Variants in SENP6 observed in about 807,000 individuals in gnomAD.
The protein encoded by SENP6 is SUMO specific peptidase 6.
In SENP6, 41 loss-of-function variants were observed where a neutral mutation model predicts 134.5. That is an observed-to-expected ratio of 0.30 (90% CI 0.24 to 0.40). The LOEUF (loss-of-function observed/expected upper bound fraction) is 0.40, where lower values mean the gene tolerates loss of function less well. Among genes scored for constraint, SENP6 ranks in the 10% least tolerant of loss-of-function variants. The pLI is 1.00. For synonymous variants in SENP6, 395 were observed against 429.8 expected, an observed-to-expected ratio of 0.92 and a Z score of 1.00; for missense variants, 1,248 against 1,312.5, an observed-to-expected ratio of 0.95 and a Z score of 0.76.
intron 3 of SENP6, among the ~76,000 whole-genome samples, chr6:75,630,382 A>T (rs577936832): frequency 1.4e-3 from 218 of 152,284 alleles, no homozygotes; most frequent in South Asian, 2.5e-3. Flanking sequence ...TAGGTAATTT[A>T]TCTGCTAGTC....
intron 2 of SENP6, among the ~76,000 whole-genome samples, chr6:75,623,347 A>C (rs569097166): frequency 6.6e-6 from 1 of 152,190 alleles, no homozygotes; most frequent in Admixed American, 6.5e-5. Context: ...GTTAATAGAT[A>C]CATTAGTTTA....
chr6:75,673,120 C>T (rs1772809971), intron 11 of SENP6, among the ~76,000 whole-genome samples: 1 of 152,094 alleles, frequency 6.6e-6, no homozygotes, highest in Admixed American at 6.6e-5. Flanking sequence ...AGCCACTGCA[C>T]CCGGCCAATT....
intron 9 of SENP6, among the ~76,000 whole-genome samples, chr6:75,663,807 GGTT>G (rs748643857): frequency 5.9e-4 from 8 of 13,566 alleles, no homozygotes; most frequent in East Asian, 5.6e-3. Flanking sequence ...GCTGATAGTG[GGTT>G]TTTTTTTTTG....
At chr6:75,623,545 C>T (rs1768433786) in intron 2 of SENP6, among the ~76,000 whole-genome samples, 1 of 151,814 alleles carries the variant, frequency 6.6e-6, no homozygotes, top group Admixed American at 6.6e-5. Context: ...CAATCTAAGA[C>T]AAAAAGGAAA....
intron 2 of SENP6, 115 bp from the exon 3 acceptor site, chr6:75,623,785 A>G: frequency 2.5e-6 from 2 of 800,344 alleles, no homozygotes; most frequent in Non-Finnish European, 3.9e-6. Context: ...TTGGCCCTTT[A>G]CAGAAAAAGT....
intron 7 of SENP6, among the ~76,000 whole-genome samples, chr6:75,657,177 G>T (rs926088501): frequency 6.6e-6 from 1 of 152,140 alleles, no homozygotes; most frequent in Admixed American, 6.5e-5. Flanking sequence ...GGCCAAAAAA[G>T]CTTGTAGGGG....
chr6:75,667,055 G>A (rs1477018085), intron 10 of SENP6, 114 bp downstream of exon 10: 1 of 558,620 alleles, frequency 1.8e-6, no homozygotes, highest in Non-Finnish European at 3.2e-6. Context: ...TTATTAAGTG[G>A]GGCTTAAATA....
At chr6:75,661,720 TC>T (rs1771790790) in intron 8 of SENP6, among the ~76,000 whole-genome samples, 1 of 152,152 alleles carries the variant, frequency 6.6e-6, no homozygotes, top group African/African-American at 2.4e-5. Context: ...ATGTATAGTC[TC>T]TGAAATTCTA....
At chr6:75,654,324 A>G (rs1771149301) in intron 7 of SENP6, among the ~76,000 whole-genome samples, 1 of 152,246 alleles carries the variant, frequency 6.6e-6, no homozygotes, top group South Asian at 2.1e-4. Flanking sequence ...TTTGCACCTA[A>G]TGAGGATGGA....
intron 9 of SENP6, among the ~76,000 whole-genome samples, chr6:75,666,117 G>GAT (rs929958414): frequency 7.1e-6 from 1 of 141,206 alleles, no homozygotes. Flanking sequence ...ATGTATATAT[G>GAT]ATATATATAA....
At position 75,715,567 on chromosome 6, in the gene SENP6, A is replaced by G. The variant is rs1259875518; in HGVS notation, c.3312A>G (p.Glu1104=). ...AAGCACCTTTAGGCGAAGGAACAGA[A>G]CAATATGTCAATAGTATCTCAGATT... ...STEAPLGEGT[E]QYVNSISD Residue 1104 remains glutamate (E), a synonymous_variant, in exon 24 of 24, where the codon GAA becomes GAG. Coordinates refer to ENST00000447266, the MANE Select transcript of SENP6 (RefSeq NM_015571.4). 4 of 1,612,258 alleles carry G rather than the reference A, an allele frequency of 2.5e-6. No homozygotes were observed. The highest frequency in any genetic ancestry group is 1.1e-5 in the South Asian group (1 of 90,992).
At chr6:75,668,625 G>A (rs1345137141) in intron 10 of SENP6, among the ~76,000 whole-genome samples, 1 of 152,248 alleles carries the variant, frequency 6.6e-6, no homozygotes, top group African/African-American at 2.4e-5. Flanking sequence ...AATGTTGAAT[G>A]TATAAGTTGG....
rs189468622 is a variant in SENP6, at chr6:75,715,674, T to C, written c.*80T>C. 1 of 970,648 alleles carries C rather than the reference T, an allele frequency of 1.0e-6. No individual in the cohort carries two copies. Among genetic ancestry groups the C allele is most frequent in the East Asian group, 2.5e-5 (1 of 40,672 alleles). The allele number at this position is 970,648 out of a possible 1,614,324, so 60.1% of individuals were successfully genotyped here. A position where few individuals can be genotyped will look rare whatever the true frequency, so the allele number is the denominator to read the frequency against. On this transcript the variant is annotated 3_prime_UTR_variant, in exon 24 of 24. Coordinates refer to ENST00000447266, the MANE Select transcript of SENP6 (RefSeq NM_015571.4). ...GGGTATAGACAATAAAGAACTGAAG[T>C]GCTCACTACTCAGTGATTTGGAAAT... is the stretch of plus-strand genomic sequence containing the variant.
At chr6:75,675,613 G>A (rs1265972105) in intron 12 of SENP6, 145 bp downstream of exon 12, 1 of 676,752 alleles carries the variant, frequency 1.5e-6, no homozygotes, top group South Asian at 2.0e-5. Context: ...CATATATCTT[G>A]GTGTAATTTC....
chr6:75,625,200 C>T (rs1768587789), intron 3 of SENP6, among the ~76,000 whole-genome samples: 1 of 143,604 alleles, frequency 7.0e-6, no homozygotes, highest in Non-Finnish European at 1.5e-5. Flanking sequence ...CCACCTCTGT[C>T]TCCCGGGTTC....
chr6:75,602,553 C>T lies in SENP6; in HGVS notation c.29C>T (p.Ala10Val), dbSNP rs946466534. 36 of 1,551,392 alleles carry T rather than the reference C, an allele frequency of 2.3e-5. No individual in the cohort carries two copies. The highest frequency in any genetic ancestry group is 3.0e-5 in the Non-Finnish European group (34 of 1,146,914). The change falls in exon 1 of 24, where the codon GCA becomes GTA. Residue 10 changes from alanine (A) to valine (V), a missense_variant. This residue lies in a region of SENP6 where 733 missense variants were observed against 725.4 expected (regional missense o/e 1.01). Coordinates refer to ENST00000447266, the MANE Select transcript of SENP6 (RefSeq NM_015571.4). The part of the protein sequence containing the change: MAAGKSGGS[A>V]GEITFLEALA... ...GCGGCCGGCAAGAGCGGCGGTAGCG[C>T]AGGGGAGATTACTTTTCTGGAAGGT...
intron 9 of SENP6, among the ~76,000 whole-genome samples, chr6:75,664,790 C>T (rs764615770): frequency 4.6e-5 from 7 of 152,122 alleles, no homozygotes; most frequent in East Asian, 1.9e-4. Context: ...ATAAAGTCAA[C>T]GCATGACTTT....
intron 16 of SENP6, among the ~76,000 whole-genome samples, chr6:75,692,300 C>T (rs1774334126): frequency 6.6e-6 from 1 of 151,930 alleles, no homozygotes; most frequent in African/African-American, 2.4e-5. Context: ...GGGTGCATAT[C>T]AGAAAAACGA....
intron 19 of SENP6, among the ~76,000 whole-genome samples, chr6:75,708,990 A>G (rs999486689): frequency 6.6e-6 from 1 of 152,196 alleles, no homozygotes; most frequent in Non-Finnish European, 1.5e-5. Context: ...TCAGCAAAAT[A>G]GTTGCTTATT....
Sources: gnomAD v4.1 joint callset for allele counts (sites outside exome capture counted in the v4.1 genomes callset) on GRCh38, gnomAD v4.1.1 for gene constraint, gnomAD v4.1.1 regional missense constraint, MANE v1.5 for transcripts, NCBI Gene and HGNC (gene_info 2026-07-23, HGNC 2026-07-21) for gene names.